Variants in AHCYL1 observed in about 807,000 individuals in gnomAD.
The protein encoded by AHCYL1 is adenosylhomocysteinase like 1, also known as S-adenosylhomocysteine hydrolase-like protein 1.
A neutral mutation model predicts 79.3 loss-of-function variants in AHCYL1; 20 were observed. The ratio of observed to expected loss-of-function variants is 0.25; its 90% CI spans 0.18 to 0.37. AHCYL1 has a LOEUF of 0.37. Ranked by LOEUF, AHCYL1 falls within the 10% of genes least tolerant of loss-of-function variation. The pLI is 1.00. For synonymous variants in AHCYL1, 223 were observed against 242.2 expected (o/e 0.92, Z 0.74); for missense variants, 330 against 673.6 (o/e 0.49, Z 5.65).
At chr1:110,011,840 C>G (rs571066831) in intron 3 of AHCYL1, among the ~76,000 whole-genome samples, 1 of 152,334 alleles carries the variant, frequency 6.6e-6, no homozygotes, top group South Asian at 2.1e-4. Context: ...CTTGGTTTCT[C>G]TACCCCAGCC....
At chr1:110,005,331 G>A (rs1363146629) in intron 1 of AHCYL1, among the ~76,000 whole-genome samples, 1 of 152,202 alleles carries the variant, frequency 6.6e-6, no homozygotes, top group Non-Finnish European at 1.5e-5. Flanking sequence ...TTGACAAGAT[G>A]TCTAAGTTAA....
chr1:110,011,203 C>T lies in AHCYL1; in HGVS notation c.233-11C>T, dbSNP rs1420314941. The T allele has an allele frequency of 6.2e-6, 10 of 1,606,818 alleles. No homozygotes were observed. Among genetic ancestry groups the T allele is most frequent in the Admixed American group, 3.5e-5 (2 of 57,798 alleles). On this transcript the variant is annotated splice_polypyrimidine_tract_variant and intron_variant, in intron 2 of 16. Coordinates refer to ENST00000369799, the MANE Select transcript of AHCYL1 (RefSeq NM_006621.7). ...TTTTTCTATCCTTGTTTTTTTCTTT[C>T]CTGGCTCTAGCTGCATCCTACACAG...
At chr1:109,997,366 A>G (rs1341513977) in intron 1 of AHCYL1, among the ~76,000 whole-genome samples, 2 of 152,202 alleles carry the variant, frequency 1.3e-5, no homozygotes, top group African/African-American at 2.4e-5. Context: ...GATTAGAGAA[A>G]GATGACAGGA....
chr1:110,002,558 A>T (rs1650375633), intron 1 of AHCYL1, among the ~76,000 whole-genome samples: 1 of 152,256 alleles, frequency 6.6e-6, no homozygotes, highest in African/African-American at 2.4e-5. Context: ...CATTGATAGA[A>T]AAATAGAAGT....
rs766991214 is a variant in AHCYL1, at chr1:110,019,580, C to T, written c.1419C>T (p.Pro473=). 25 of 1,613,156 alleles carry T rather than the reference C, an allele frequency of 1.5e-5. No homozygotes were observed. Among genetic ancestry groups the T allele is most frequent in the East Asian group, 1.1e-4 (5 of 44,864 alleles). Residue 473 remains proline (P), a synonymous_variant, in exon 15 of 17, where the codon CCC becomes CCT. Transcript: ENST00000369799. ...ALALIELYNA[P]EGRYKQDVYL... ...CACTGATAGAACTCTATAATGCACC[C>T]GAGGGGCGATACAAGCAGGATGTGT...
Position 110,012,350 on chromosome 1 carries a change from G to A in AHCYL1, c.377-12G>A. On this transcript the variant is annotated splice_polypyrimidine_tract_variant and intron_variant, in intron 3 of 16. Transcript: ENST00000369799. ...AGTGCAGACCTAGCTCAAATCCTCT[G>A]TTCTTTCACAGACATGTCTGCTCTG... The A allele has an allele frequency of 6.2e-7, 1 of 1,612,272 alleles. No individual in the cohort carries two copies. Among genetic ancestry groups the A allele is most frequent in the East Asian group, 2.2e-5 (1 of 44,868 alleles).
At chr1:109,993,439 A>G (rs1649869271) in intron 1 of AHCYL1, among the ~76,000 whole-genome samples, 1 of 152,248 alleles carries the variant, frequency 6.6e-6, no homozygotes, top group Non-Finnish European at 1.5e-5. Context: ...CTGGCACATA[A>G]TACTGTCAAT....
In AHCYL1 at chr1:110,023,490, C is replaced by A. The variant is rs1651923207; in HGVS notation, c.*1810C>A. The A allele has an allele frequency of 6.6e-6, 1 of 152,516 alleles. No individual in the cohort carries two copies. Among genetic ancestry groups the A allele is most frequent in the African/African-American group, 2.4e-5 (1 of 41,394 alleles). The allele number at this position is 152,516 out of a possible 1,614,324, so 9.4% of individuals were successfully genotyped here. A position where few individuals can be genotyped will look rare whatever the true frequency, so the allele number is the denominator to read the frequency against. On this transcript the variant is annotated 3_prime_UTR_variant, in exon 17 of 17. Coordinates refer to ENST00000369799, the MANE Select transcript of AHCYL1 (RefSeq NM_006621.7). ...AGGGAAGGGACCCACATTCACCTGC[C>A]CTCTGACCTGCCCCTTGATCCCATA...
intron 7 of AHCYL1, 135 bp downstream of exon 7, chr1:110,015,666 T>C: frequency 1.5e-6 from 1 of 674,864 alleles, no homozygotes; most frequent in Non-Finnish European, 2.5e-6. Context: ...TTTGAGTTTT[T>C]ACTTTTGAAA....
chr1:110,021,732 T>C lies in AHCYL1; in HGVS notation c.*52T>C. On this transcript the variant is annotated 3_prime_UTR_variant, in exon 17 of 17. Coordinates refer to ENST00000369799, the MANE Select transcript of AHCYL1 (RefSeq NM_006621.7). ...ACCTGAACCACACACTCTAAAGAAA[T>C]ATTTTTTAAGATAACTTTTATTTTC... The C allele has an allele frequency of 1.9e-6, 3 of 1,560,510 alleles. No individual in the cohort carries two copies. Among genetic ancestry groups the C allele is most frequent in the Middle Eastern group, 1.7e-4 (1 of 5,902 alleles).
intron 1 of AHCYL1, among the ~76,000 whole-genome samples, chr1:109,994,500 G>T (rs758045455): frequency 1.3e-5 from 2 of 152,062 alleles, no homozygotes; most frequent in Non-Finnish European, 2.9e-5. Flanking sequence ...TGTTGGTTAG[G>T]GTGGTCTCGA....
intron 14 of AHCYL1, 126 bp from the exon 15 acceptor site, chr1:110,019,422 T>A (rs1171794335): frequency 9.3e-6 from 8 of 862,230 alleles, no homozygotes; most frequent in Non-Finnish European, 1.1e-5. Flanking sequence ...ATAGGCAAAG[T>A]CCTAGGTACT....
intron 3 of AHCYL1, 69 bp from the exon 4 acceptor site, chr1:110,012,293 C>A: frequency 7.0e-7 from 1 of 1,425,672 alleles, no homozygotes; most frequent in Non-Finnish European, 9.7e-7. Flanking sequence ...CAGATCCAGA[C>A]CAGCCCTGGG....
intron 4 of AHCYL1, 23 bp downstream of exon 4, chr1:110,012,485 G>T: frequency 6.4e-7 from 1 of 1,551,982 alleles, no homozygotes; most frequent in South Asian, 1.2e-5. Flanking sequence ...GAAGAAAAGA[G>T]GGACTTCTGA....
At position 109,991,998 on chromosome 1, in the gene AHCYL1, A is replaced by C. The variant is rs185044968; in HGVS notation, c.120+6826A>C. Among the ~76,000 whole-genome samples the C allele has an allele frequency of 2.4e-3, 370 of 151,922 alleles. 4 individuals are homozygous for C. The highest frequency in any genetic ancestry group is 7.3e-3 in the South Asian group (35 of 4,820). ...AATACTTTGTCCCTTTTCCCCCAAG[A>C]CTGGCTTGACCTCACGTCAAGACCT... On this transcript the variant is annotated intron_variant, in intron 1 of 16. Transcript: ENST00000369799.
rs139689024 is a variant in AHCYL1 at position 110,013,688 on chromosome 1, C to T, written c.580+689C>T. ...TCATGCCACTGCACTGCAGCCTGGG[C>T]GACAGAGTGAAACTCCATCTCAAAA... On this transcript the variant is annotated intron_variant, in intron 5 of 16. Transcript: ENST00000369799. 7.2e-3 allele frequency among the ~76,000 whole-genome samples: 1,095 copies of T among 151,792 alleles called. 6 individuals are homozygous for T. Among genetic ancestry groups the T allele is most frequent in the South Asian group, 0.011 (53 of 4,810 alleles).
rs972575992 is a variant in AHCYL1 at position 110,018,111 on chromosome 1, G to A, written c.1123+95G>A. ...ACAAAGGAGGTGAGACCTCTGTTCA[G>A]TATAAAGGTCTCAGAACTAGAATAA... On this transcript the variant is annotated intron_variant, in intron 11 of 16. Transcript: ENST00000369799. 2.0e-5 allele frequency: 27 copies of A among 1,338,530 alleles called. No individual in the cohort carries two copies. In the South Asian group the frequency reaches 2.9e-4, roughly 15 times the overall value. 82.9% of individuals were successfully genotyped at this position (1,338,530 alleles called of 1,614,324 possible). A position where few individuals can be genotyped will look rare whatever the true frequency, so the allele number is the denominator to read the frequency against.
At chr1:110,005,758 G>GT (rs1259466688) in intron 1 of AHCYL1, among the ~76,000 whole-genome samples, 2 of 149,290 alleles carry the variant, frequency 1.3e-5, no homozygotes, top group African/African-American at 5.0e-5. Flanking sequence ...GCTTCTAATG[G>GT]TAAAAAAAAA....
chr1:109,986,014 T>C (rs566240261), intron 1 of AHCYL1, among the ~76,000 whole-genome samples: 2 of 152,320 alleles, frequency 1.3e-5, no homozygotes, highest in South Asian at 4.1e-4. Flanking sequence ...TCTGACTAGC[T>C]CTCCGAGTGG....
Sources: gnomAD v4.1 joint callset for allele counts (sites outside exome capture counted in the v4.1 genomes callset) on GRCh38, gnomAD v4.1.1 for gene constraint, MANE v1.5 for transcripts, NCBI Gene and HGNC (gene_info 2026-07-23, HGNC 2026-07-21) for gene names.